The following HEMK2 variants were observed in gnomAD, a reference collection of about 807,000 sequenced individuals.
The protein encoded by HEMK2 is HemK methyltransferase 2, ETF1 glutamine and histone H4 lysine, also known as methyltransferase HEMK2.
chr21:28,718,267 CCACTGT>C, the HEMK2 span, among the ~76,000 whole-genome samples: 13 of 152,256 alleles, frequency 8.5e-5, no homozygotes, highest in African/African-American at 3.1e-4. Context: ...CTATTTTATT[CCACTGT>C]CATCTGAGAG....
the HEMK2 span, among the ~76,000 whole-genome samples, chr21:28,588,846 T>TGTG: frequency 6.6e-6 from 1 of 151,652 alleles, no homozygotes; most frequent in African/African-American, 2.4e-5. Flanking sequence ...AGCCGGGCGT[T>TGTG]GTGGTGGGCA....
chr21:28,780,182 A>AT, the HEMK2 span, among the ~76,000 whole-genome samples: 2,622 of 146,618 alleles, frequency 0.018, 66 homozygotes, highest in African/African-American at 0.058. Flanking sequence ...GACCTAAACA[A>AT]TTTTTTTTTT....
At chr21:28,764,497 C>T in the HEMK2 span, among the ~76,000 whole-genome samples, 1 of 152,058 alleles carries the variant, frequency 6.6e-6, no homozygotes, top group African/African-American at 2.4e-5. Context: ...TACAATGAAA[C>T]CTGTTTTACT....
chr21:28,863,413 TATATATATATA>T, the HEMK2 span, among the ~76,000 whole-genome samples: 858 of 24,114 alleles, frequency 0.036, 125 homozygotes, highest in East Asian at 0.062. Flanking sequence ...CTCCCTTTTA[TATATATATATA>T]TATATATATA....
chr21:28,721,579 T>C, the HEMK2 span, among the ~76,000 whole-genome samples: 6 of 152,082 alleles, frequency 3.9e-5, no homozygotes, highest in African/African-American at 1.2e-4. Flanking sequence ...CAGTGCTGAT[T>C]TGAAATAAAC....
At chr21:28,728,864 C>A in the HEMK2 span, among the ~76,000 whole-genome samples, 3 of 152,084 alleles carry the variant, frequency 2.0e-5, no homozygotes, top group Admixed American at 6.5e-5. Context: ...TGCCAGGACA[C>A]AGATCTCTCC....
At chr21:28,731,285 C>T in the HEMK2 span, among the ~76,000 whole-genome samples, 1,667 of 152,158 alleles carry the variant, frequency 0.011, 25 homozygotes, top group African/African-American at 0.038. Context: ...CTTGAGTAAC[C>T]CAAGGTCACA....
At chr21:28,856,005 T>G in the HEMK2 span, among the ~76,000 whole-genome samples, 1 of 152,156 alleles carries the variant, frequency 6.6e-6, no homozygotes, top group African/African-American at 2.4e-5. Context: ...AAATAATATG[T>G]TTTTTAAATA....
chr21:28,754,325 A>AG, the HEMK2 span, among the ~76,000 whole-genome samples: 2 of 152,172 alleles, frequency 1.3e-5, no homozygotes, highest in Non-Finnish European at 2.9e-5. Flanking sequence ...ACCAATCAAC[A>AG]GGGGGGCTTT....
At chr21:28,676,965 C>T in the HEMK2 span, among the ~76,000 whole-genome samples, 4 of 152,194 alleles carry the variant, frequency 2.6e-5, no homozygotes, top group Non-Finnish European at 4.4e-5. Flanking sequence ...CAGCTCCCAG[C>T]GTGAGCGACG....
the HEMK2 span, among the ~76,000 whole-genome samples, chr21:28,638,862 C>G: frequency 6.6e-6 from 1 of 152,184 alleles, no homozygotes; most frequent in Non-Finnish European, 1.5e-5. Context: ...CTAGGACAAG[C>G]AAGAGTGAAA....
At chr21:28,652,824 C>A in the HEMK2 span, among the ~76,000 whole-genome samples, 1 of 151,978 alleles carries the variant, frequency 6.6e-6, no homozygotes, top group Non-Finnish European at 1.5e-5. Flanking sequence ...CAGCAGAAAC[C>A]AGCAGATGGC....
At chr21:28,756,131 C>G in the HEMK2 span, among the ~76,000 whole-genome samples, 7 of 152,198 alleles carry the variant, frequency 4.6e-5, no homozygotes, top group Non-Finnish European at 1.0e-4. Context: ...CCAGTGGCCA[C>G]AGATATACTT....
chr21:28,822,380 C>A, the HEMK2 span, among the ~76,000 whole-genome samples: 2 of 152,072 alleles, frequency 1.3e-5, no homozygotes, highest in African/African-American at 2.4e-5. Flanking sequence ...AAGATACCCA[C>A]AATTTAAATC....
the HEMK2 span, among the ~76,000 whole-genome samples, chr21:28,588,787 T>C: frequency 6.6e-4 from 100 of 151,996 alleles, no homozygotes; most frequent in Middle Eastern, 6.8e-3. Context: ...ATCGAGACCA[T>C]CCTGGCTAAC....
chr21:28,728,555 G>A, the HEMK2 span, among the ~76,000 whole-genome samples: 1 of 152,156 alleles, frequency 6.6e-6, no homozygotes, highest in Non-Finnish European at 1.5e-5. Flanking sequence ...TCATGATGTA[G>A]AGGGAATGAT....
the HEMK2 span, among the ~76,000 whole-genome samples, chr21:28,625,855 G>A: frequency 7.2e-3 from 1,103 of 152,254 alleles, 5 homozygotes; most frequent in Non-Finnish European, 0.011. Flanking sequence ...AAGATCACCA[G>A]AAATGTAACA....
the HEMK2 span, among the ~76,000 whole-genome samples, chr21:28,827,724 T>C: frequency 3.3e-5 from 5 of 152,394 alleles, no homozygotes; most frequent in South Asian, 1.0e-3. Context: ...AGAATGTCTA[T>C]ATTGATTATT....
At chr21:28,595,468 A>T in the HEMK2 span, among the ~76,000 whole-genome samples, 1 of 152,212 alleles carries the variant, frequency 6.6e-6, no homozygotes, top group South Asian at 2.1e-4. Context: ...TTAGCTTAAC[A>T]TAATGACCTC....
Sources: gnomAD v4.1 joint callset for allele counts (sites outside exome capture counted in the v4.1 genomes callset) on GRCh38, gnomAD v4.1.1 for gene constraint, MANE v1.5 for transcripts, NCBI Gene and HGNC (gene_info 2026-07-23, HGNC 2026-07-21) for gene names.